Variants in TNIK observed in about 807,000 individuals in gnomAD.
TNIK encodes the protein TRAF2 and NCK-interacting protein kinase.
A neutral mutation model predicts 191.3 loss-of-function variants in TNIK; 49 were observed. The ratio of observed to expected loss-of-function variants is 0.26; its 90% CI spans 0.20 to 0.32. The LOEUF is 0.32. Ranked by LOEUF, TNIK falls within the 10% of genes least tolerant of loss-of-function variation. TNIK has a pLI of 1.00. For missense variants in TNIK, 1,155 were observed against 1,702.3 expected (o/e 0.68, Z 5.66); for synonymous variants, 594 against 600.9 (o/e 0.99, Z 0.17).
chr3:171,098,885 TA>T (rs1162498865), intron 22 of TNIK, among the ~76,000 whole-genome samples: 2 of 152,216 alleles, frequency 1.3e-5, no homozygotes, highest in African/African-American at 4.8e-5. Context: ...ATATGCAATA[TA>T]AAAATACATA....
intron 2 of TNIK, among the ~76,000 whole-genome samples, chr3:171,321,001 G>A (rs992647503): frequency 6.6e-6 from 1 of 152,198 alleles, no homozygotes; most frequent in African/African-American, 2.4e-5. Flanking sequence ...AGGGTGTCGG[G>A]TGGAAGACCA....
intron 1 of TNIK, among the ~76,000 whole-genome samples, chr3:171,396,657 C>T (rs1010352444): frequency 2.0e-5 from 3 of 152,276 alleles, no homozygotes; most frequent in Non-Finnish European, 4.4e-5. Flanking sequence ...TAAGTAGTTA[C>T]ACATCAATTA....
chr3:171,164,653 C>T (rs1038859465), intron 10 of TNIK, among the ~76,000 whole-genome samples: 4 of 152,146 alleles, frequency 2.6e-5, no homozygotes, highest in Non-Finnish European at 4.4e-5. Context: ...ATATATTCAC[C>T]GTATAATAAA....
At chr3:171,454,214 C>A (rs1167494220) in intron 1 of TNIK, among the ~76,000 whole-genome samples, 1 of 152,086 alleles carries the variant, frequency 6.6e-6, no homozygotes, top group Non-Finnish European at 1.5e-5. Flanking sequence ...CTGGGCATGG[C>A]GGCCATGATT....
At chr3:171,312,987 G>A (rs1282072354) in intron 2 of TNIK, among the ~76,000 whole-genome samples, 2 of 151,972 alleles carry the variant, frequency 1.3e-5, no homozygotes, top group East Asian at 1.9e-4. Context: ...ACTTCTCCAC[G>A]TGGATCTCGC....
chr3:171,167,110 T>G lies in TNIK; in HGVS notation c.934A>C (p.Lys312Gln). Residue 312 changes from lysine to glutamine, a missense_variant, in exon 10 of 33, where the codon AAG (lysine) becomes CAG (glutamine). Lys to Gln is a moderately conservative substitution (Grantham distance 53, BLOSUM62 1). Coordinates refer to ENST00000436636, the MANE Select transcript of TNIK (RefSeq NM_015028.4). ...TGCGTCTAACCTTTTTCTCCTCGCT[T>G]CTTCTTTGTTCTATCAATATGGTCC... Reference protein sequence around the residue: ...LKDHIDRTKKKRGEKDETEYE... With the variant: ...LKDHIDRTKKQRGEKDETEYE... 6.2e-7 allele frequency: 1 copy of G among 1,610,672 alleles called. No homozygotes were observed.
intron 1 of TNIK, among the ~76,000 whole-genome samples, chr3:171,436,209 T>C (rs886436864): frequency 2.0e-5 from 3 of 149,950 alleles, no homozygotes; most frequent in Admixed American, 1.3e-4. Context: ...CAATACTCTT[T>C]ATCTATTTTT....
chr3:171,127,740 G>A (rs1480443312), intron 16 of TNIK, among the ~76,000 whole-genome samples: 1 of 152,176 alleles, frequency 6.6e-6, no homozygotes, highest in Non-Finnish European at 1.5e-5. Context: ...AAGCTGCCTG[G>A]TGCTGAAAAA....
At chr3:171,346,429 A>T (rs1712203774) in intron 2 of TNIK, among the ~76,000 whole-genome samples, 1 of 152,152 alleles carries the variant, frequency 6.6e-6, no homozygotes, top group African/African-American at 2.4e-5. Flanking sequence ...TGCGCATGTC[A>T]TCCTTGCACT....
chr3:171,407,422 T>C (rs1721839030), intron 1 of TNIK, among the ~76,000 whole-genome samples: 1 of 152,232 alleles, frequency 6.6e-6, no homozygotes, highest in Admixed American at 6.5e-5. Context: ...CTTTGGTCCA[T>C]TTCTTCTCAT....
At chr3:171,181,010 T>TATTG (rs1379903498) in intron 7 of TNIK, among the ~76,000 whole-genome samples, 3 of 152,022 alleles carry the variant, frequency 2.0e-5, no homozygotes, top group Non-Finnish European at 4.4e-5. Flanking sequence ...AAGAAACAGG[T>TATTG]ATTGATTGAT....
intron 2 of TNIK, among the ~76,000 whole-genome samples, chr3:171,235,191 A>T (rs1197229485): frequency 6.6e-6 from 1 of 152,064 alleles, no homozygotes; most frequent in African/African-American, 2.4e-5. Context: ...ACTGGTTCCC[A>T]CTACCATGCC....
At chr3:171,332,890 C>T (rs1294431500) in intron 2 of TNIK, among the ~76,000 whole-genome samples, 1 of 152,090 alleles carries the variant, frequency 6.6e-6, no homozygotes, top group Non-Finnish European at 1.5e-5. Flanking sequence ...CTCAGCTGAC[C>T]CTATAAGTTA....
At chr3:171,093,734 T>G in intron 23 of TNIK, 105 bp downstream of exon 23, 1 of 1,434,596 alleles carries the variant, frequency 7.0e-7, no homozygotes, top group Non-Finnish European at 9.3e-7. Flanking sequence ...CCCCAAGAAT[T>G]CCCCATACTT....
At chr3:171,351,318 ATATG>A (rs1377553384) in intron 2 of TNIK, among the ~76,000 whole-genome samples, 6 of 122,236 alleles carry the variant, frequency 4.9e-5, no homozygotes, top group Non-Finnish European at 9.3e-5. Context: ...GGAGGTGTGT[ATATG>A]TGTGTCTGAG....
At chr3:171,093,409 A>G (rs1156542671) in intron 23 of TNIK, among the ~76,000 whole-genome samples, 3 of 152,228 alleles carry the variant, frequency 2.0e-5, no homozygotes, top group Non-Finnish European at 4.4e-5. Flanking sequence ...ATAAGATGAT[A>G]TCATCATTTC....
intron 2 of TNIK, among the ~76,000 whole-genome samples, chr3:171,241,544 TAAATTAA>T (rs1345880816): frequency 6.6e-6 from 1 of 152,234 alleles, no homozygotes; most frequent in Non-Finnish European, 1.5e-5. Context: ...AACAGAAGTG[TAAATTAA>T]AATGCCTGAT....
chr3:171,332,475 G>A (rs780996448), intron 2 of TNIK, among the ~76,000 whole-genome samples: 31 of 152,224 alleles, frequency 2.0e-4, no homozygotes, highest in Non-Finnish European at 4.0e-4. Flanking sequence ...ACCTCAGCTC[G>A]CAGTGCCACC....
At chr3:171,281,286 G>A (rs1750400598) in intron 2 of TNIK, among the ~76,000 whole-genome samples, 1 of 152,128 alleles carries the variant, frequency 6.6e-6, no homozygotes, top group African/African-American at 2.4e-5. Context: ...AAACCTTAAA[G>A]TTGGTGAGGA....
Sources: allele counts gnomAD v4.1 joint callset (sites outside exome capture counted in the v4.1 genomes callset), GRCh38; gene constraint gnomAD v4.1.1; transcripts MANE v1.5; gene names NCBI Gene and HGNC (gene_info 2026-07-23, HGNC 2026-07-21).